The following PRSS22 variants were observed in gnomAD, a reference collection of about 807,000 sequenced individuals.
The protein encoded by PRSS22 is brain-specific serine protease 4.
PRSS22 carries 26 observed loss-of-function variants against 28.0 expected under a neutral mutation model. That is an observed-to-expected ratio of 0.93 (90% CI 0.68 to 1.29). The LOEUF (loss-of-function observed/expected upper bound fraction) is 1.29, where lower values mean the gene tolerates loss of function less well. Ranked by LOEUF, PRSS22 falls within the 50% of genes most tolerant of loss-of-function variation. PRSS22 has a pLI of 0.00. For missense variants in PRSS22, 444 were observed against 422.1 expected (o/e 1.05, Z -0.46); for synonymous variants, 217 against 177.9 (o/e 1.22, Z -1.75).
At position 2,856,108 on chromosome 16, in the gene PRSS22, C is replaced by A. The variant is rs774581504; in HGVS notation, c.255G>T (p.Val85=). ...CAGSLLTSRW[V]ITAAHCFKDN... is the part of the protein sequence containing the mutation. Reference sequence around the variant, plus strand: ...CCTTGAAACAGTGGGCAGCAGTGATCACCCAGCGGCTGGTGAGCAGAGAAC... The same window carrying A: ...CCTTGAAACAGTGGGCAGCAGTGATAACCCAGCGGCTGGTGAGCAGAGAAC... The change falls in exon 3 of 6, where the codon GTG becomes GTT. Residue 85 remains valine (V), a synonymous_variant. Transcript: ENST00000161006. The A allele has an allele frequency of 6.2e-7, 1 of 1,613,942 alleles. No homozygotes were observed.
rs529587938 is a variant in PRSS22 at position 2,858,163 on chromosome 16, G to C, written c.-59C>G. ...GAGAGACCCAGGGCGATGCGGGTCA[G>C]GGTGTGTAGGTTCCCTGCAGGTCGC... On this transcript the variant is annotated 5_prime_UTR_variant, in exon 1 of 6. Transcript: ENST00000161006. 4.8e-6 allele frequency: 6 copies of C among 1,243,674 alleles called. No homozygotes were observed. Among genetic ancestry groups the C allele is most frequent in the Non-Finnish European group, 6.1e-6 (6 of 990,144 alleles). 77.0% of individuals were successfully genotyped at this position (1,243,674 alleles called of 1,614,324 possible). A position where few individuals can be genotyped will look rare whatever the true frequency, so the allele number is the denominator to read the frequency against.
In PRSS22 at chr16:2,853,949, C is replaced by T. The variant is rs139009744; in HGVS notation, c.633G>A (p.Leu211=). ...GTCCCTGTCCTGCTCCCCGCCAGTA[C>T]AGATGGCTGCAGACTTCCGAGTCGA... ...PIIDSEVCSH[L]YWRGAGQGPI... Residue 211 remains leucine, a synonymous_variant, in exon 5 of 6, where the codon CTG becomes CTA. Transcript: ENST00000161006. This position sits in a 1 kb window ranked among gnomAD's most constrained non-coding sequence, Gnocchi z 4.6. 6.2e-7 allele frequency: 1 copy of T among 1,614,224 alleles called. No homozygotes were observed. Among genetic ancestry groups the T allele is most frequent in the Non-Finnish European group, 8.5e-7 (1 of 1,180,044 alleles).
At chr16:2,855,989 G>A (rs2069451975) in intron 3 of PRSS22, 93 bp downstream of exon 3, 1 of 1,528,290 alleles carries the variant, frequency 6.5e-7, no homozygotes, top group Non-Finnish European at 8.8e-7. Flanking sequence ...TTGAACAGAG[G>A]CCCGGAAGCA....
chr16:2,856,724 C>T (rs758465760), intron 2 of PRSS22, 98 bp downstream of exon 2: 5 of 1,400,828 alleles, frequency 3.6e-6, no homozygotes, highest in African/African-American at 1.4e-5. Context: ...TCACCCCAGC[C>T]CCTTTCTGAC....
At chr16:2,854,151 G>T in intron 4 of PRSS22, 129 bp from the exon 5 acceptor site, 2 of 1,067,918 alleles carry the variant, frequency 1.9e-6, no homozygotes, top group Non-Finnish European at 1.4e-6. Context: ...AGCTCTACCA[G>T]TCTCTCCCAA....
intron 4 of PRSS22, among the ~76,000 whole-genome samples, chr16:2,854,652 A>C (rs753428272): frequency 1.3e-5 from 2 of 152,108 alleles, no homozygotes; most frequent in Non-Finnish European, 2.9e-5. Context: ...CCAGGTCTTC[A>C]TTGTATCCTC....
rs912149522 is a variant in PRSS22, at chr16:2,853,413, G to A, written c.718-84C>T. On this transcript the variant is annotated intron_variant, in intron 5 of 5. Coordinates refer to ENST00000161006, the MANE Select transcript of PRSS22 (RefSeq NM_022119.4). This position sits in a 1 kb window ranked among gnomAD's most constrained non-coding sequence, Gnocchi z 4.6. ...GCCCGTGCCCTGTCAGGGGGCAGAT[G>A]AGCCCCTTCCCGGGAGCCCGTTTCT... The A allele has an allele frequency of 1.1e-5, 13 of 1,145,256 alleles. No homozygotes were observed. The highest frequency in any genetic ancestry group is 3.0e-5 in the African/African-American group (2 of 65,674). 70.9% of individuals were successfully genotyped at this position (1,145,256 alleles called of 1,614,324 possible). A position where few individuals can be genotyped will look rare whatever the true frequency, so the allele number is the denominator to read the frequency against.
At chr16:2,856,728 T>G in intron 2 of PRSS22, 94 bp downstream of exon 2, 1 of 1,443,092 alleles carries the variant, frequency 6.9e-7, no homozygotes, top group Non-Finnish European at 9.5e-7. Context: ...CCCAGCCCCT[T>G]TCTGACCTGT....
chr16:2,858,030 C>T lies in PRSS22; in HGVS notation c.75G>A (p.Ala25=). 7.8e-7 allele frequency: 1 copy of T among 1,282,896 alleles called. No homozygotes were observed. Among genetic ancestry groups the T allele is most frequent in the South Asian group, 2.9e-5 (1 of 33,934 alleles). The allele number at this position is 1,282,896 out of a possible 1,614,324, so 79.5% of individuals were successfully genotyped here. Residue 25 remains alanine (A), a synonymous_variant, in exon 1 of 6, where the codon GCG becomes GCA. Transcript: ENST00000161006. The part of the protein sequence containing the change: ...LGTFTSLLLL[A]STAILNAARI... ...AGCAGCCTCCGGACGTACCTGTCGACGCCAGCAGCAGCAGGGAGGTGAAGG... is the reference window on the plus strand; with the variant it reads ...AGCAGCCTCCGGACGTACCTGTCGATGCCAGCAGCAGCAGGGAGGTGAAGG...
intron 1 of PRSS22, among the ~76,000 whole-genome samples, chr16:2,857,320 C>T: frequency 7.6e-6 from 1 of 131,986 alleles, no homozygotes; most frequent in African/African-American, 3.0e-5. Flanking sequence ...CCCCAGCGCC[C>T]AGTGACGAGG....
chr16:2,857,573 CCG>C (rs1567291758), intron 1 of PRSS22: 1 of 163,260 alleles, frequency 6.1e-6, no homozygotes. Flanking sequence ...CCCTGCCCTC[CCG>C]CAGCTTCCCG....
intron 2 of PRSS22, 34 bp downstream of exon 2, chr16:2,856,788 T>G: frequency 6.4e-7 from 1 of 1,551,424 alleles, no homozygotes; most frequent in Non-Finnish European, 8.7e-7. Context: ...CCTCCTCCCT[T>G]CTCCCTCCCG....
chr16:2,854,066 C>G, intron 4 of PRSS22, 44 bp from the exon 5 acceptor site: 1 of 1,608,828 alleles, frequency 6.2e-7, no homozygotes, highest in African/African-American at 1.3e-5. Context: ...GTCTCCCCTC[C>G]TCGTTGCCTC....
rs756808764 is a variant in PRSS22 at position 2,853,300 on chromosome 16, C to T, written c.747G>A (p.Gln249=). ...LGDSGGPLMC[Q]VDGAWLLAGI... ...CGGCCAGCAGCCAGGCGCCGTCCAC[C>T]TGGCACATGAGGGGGCCCCCGGAGT... is the stretch of plus-strand genomic sequence containing the variant. Residue 249 remains glutamine (Q), a synonymous_variant, in exon 6 of 6, where the codon CAG becomes CAA. Coordinates refer to ENST00000161006, the MANE Select transcript of PRSS22 (RefSeq NM_022119.4). The surrounding 1 kb of genome is among the most constrained non-coding windows in gnomAD (Gnocchi z 4.6). The T allele has an allele frequency of 6.3e-7, 1 of 1,598,778 alleles. No individual in the cohort carries two copies.
At position 2,856,198 on chromosome 16, in the gene PRSS22, G is replaced by A. The variant is rs745764784; in HGVS notation, c.165C>T (p.Asp55=). The A allele has an allele frequency of 6.2e-6, 10 of 1,613,828 alleles. No individual in the cohort carries two copies. Among genetic ancestry groups the A allele is most frequent in the Non-Finnish European group, 8.5e-6 (10 of 1,179,950 alleles). Reference sequence around the variant, plus strand: ...TCCAGGGCCACTCGCTGTCAGTGCTGTCCTCGCCGCCCACAACCCGGTTCA... The same window carrying A: ...TCCAGGGCCACTCGCTGTCAGTGCTATCCTCGCCGCCCACAACCCGGTTCA... The part of the protein sequence containing the change: ...QQLNRVVGGE[D]STDSEWPWIV... Residue 55 remains aspartate, a synonymous_variant, in exon 3 of 6, where the codon GAC becomes GAT. Coordinates refer to ENST00000161006, the MANE Select transcript of PRSS22 (RefSeq NM_022119.4).
Position 2,853,088 on chromosome 16 carries a change from G to A in PRSS22, c.*5C>T. 1.3e-6 allele frequency: 2 copies of A among 1,554,654 alleles called. No homozygotes were observed. The highest frequency in any genetic ancestry group is 2.7e-5 in the African/African-American group (2 of 73,278). ...TCAGATCCGAGCCCCGCGTCCCGCT[G>A]CGCCCTAGGAGCGCGCGGCGGCCCC... On this transcript the variant is annotated 3_prime_UTR_variant, in exon 6 of 6. Transcript: ENST00000161006. This position sits in a 1 kb window ranked among gnomAD's most constrained non-coding sequence, Gnocchi z 4.6.
At position 2,858,113 on chromosome 16, in the gene PRSS22, G is replaced by T; in HGVS notation, c.-9C>A. ...GCTCCAGAAACCACCATGGCTGGTG[G>T]GGCGGGGGAGCAGGCAGCAGGCTCG... On this transcript the variant is annotated 5_prime_UTR_variant, in exon 1 of 6. Transcript: ENST00000161006. The T allele has an allele frequency of 7.9e-7, 1 of 1,260,234 alleles. No homozygotes were observed. 78.1% of individuals were successfully genotyped at this position (1,260,234 alleles called of 1,614,324 possible). A position where few individuals can be genotyped will look rare whatever the true frequency, so the allele number is the denominator to read the frequency against.
chr16:2,855,744 G>A lies in PRSS22; in HGVS notation c.389C>T (p.Pro130Leu), dbSNP rs573454308. The A allele has an allele frequency of 6.2e-7, 1 of 1,614,194 alleles. No homozygotes were observed. The highest frequency in any genetic ancestry group is 8.5e-7 in the Non-Finnish European group (1 of 1,180,038). Residue 130 changes from proline to leucine, a missense_variant, in exon 4 of 6, where the codon CCT becomes CTT. Transcript: ENST00000161006. ...GGCACCTTCCTTCCAGGAATACACA[G>A]GGTGGGGCTCCACCCAGGCAACACC... is the stretch of plus-strand genomic sequence containing the variant. Reference protein sequence around the residue: ...KVGVAWVEPHPVYSWKEGACA... With the variant: ...KVGVAWVEPHLVYSWKEGACA...
chr16:2,856,523 T>A (rs1275758046), intron 2 of PRSS22, among the ~76,000 whole-genome samples: 1 of 145,948 alleles, frequency 6.9e-6, no homozygotes, highest in African/African-American at 2.5e-5. Context: ...GGTCCTCACC[T>A]GGCCCTGGCC....
Sources: gnomAD v4.1 joint callset for allele counts (sites outside exome capture counted in the v4.1 genomes callset) on GRCh38, gnomAD v4.1.1 for gene constraint, Gnocchi (gnomAD v3.1) non-coding constraint, MANE v1.5 for transcripts, NCBI Gene and HGNC (gene_info 2026-07-23, HGNC 2026-07-21) for gene names.